VDAC1: variants seen among roughly 807,000 people sequenced by gnomAD.
VDAC1 encodes non-selective voltage-gated ion channel VDAC1.
In VDAC1, 10 loss-of-function variants were observed where a neutral mutation model predicts 34.7. The ratio of observed to expected loss-of-function variants is 0.29; its 90% CI spans 0.18 to 0.49. The LOEUF is 0.49. VDAC1 is among the 20% of genes least tolerant of loss of function. The pLI is 0.99. For synonymous variants in VDAC1, 130 were observed against 136.0 expected (o/e 0.96, Z 0.30); for missense variants, 230 against 347.9 (o/e 0.66, Z 2.69).
chr5:133,977,672 GATTGTTGTTTAT>G (rs1752530886), intron 6 of VDAC1, among the ~76,000 whole-genome samples: 1 of 152,208 alleles, frequency 6.6e-6, no homozygotes, highest in Non-Finnish European at 1.5e-5. Flanking sequence ...ACTGCTTTCA[GATTGTTGTTTAT>G]ACACACAGTG....
chr5:134,009,262 T>TTTC (rs1458652108), upstream of VDAC1, among the ~76,000 whole-genome samples: 1 of 139,792 alleles, frequency 7.2e-6, no homozygotes, highest in African/African-American at 2.7e-5. Context: ...TTTTTTTTTT[T>TTTC]TTTTTTTTTT....
At chr5:134,043,524 T>C in the VDAC1 span, among the ~76,000 whole-genome samples, 3 of 147,926 alleles carry the variant, frequency 2.0e-5, no homozygotes, top group Non-Finnish European at 4.5e-5. Context: ...GGGTAGACTT[T>C]TCTTTTTTCT....
intron 1 of VDAC1, among the ~76,000 whole-genome samples, chr5:134,002,915 G>A (rs189264393): frequency 4.0e-4 from 61 of 151,078 alleles, no homozygotes; most frequent in African/African-American, 1.3e-3. Flanking sequence ...GCCATGAGCC[G>A]TTATGGTGCC....
At chr5:134,039,363 C>T in the VDAC1 span, among the ~76,000 whole-genome samples, 2 of 152,198 alleles carry the variant, frequency 1.3e-5, no homozygotes, top group African/African-American at 2.4e-5. Context: ...GAGTCTCCCT[C>T]TGTCGCCCAG....
At chr5:134,018,936 G>A in the VDAC1 span, among the ~76,000 whole-genome samples, 1 of 152,046 alleles carries the variant, frequency 6.6e-6, no homozygotes, top group African/African-American at 2.4e-5. Context: ...ATCATCACCG[G>A]GAGGACTGCA....
chr5:134,019,586 A>G, the VDAC1 span, among the ~76,000 whole-genome samples: 99 of 152,222 alleles, frequency 6.5e-4, no homozygotes, highest in African/African-American at 2.2e-3. Flanking sequence ...GCTCAAACAA[A>G]CAAACAAACA....
chr5:134,028,344 G>A, the VDAC1 span, among the ~76,000 whole-genome samples: 1 of 151,678 alleles, frequency 6.6e-6, no homozygotes, highest in Admixed American at 6.6e-5. Flanking sequence ...TGTTGGCCAG[G>A]CTGGTCTCGA....
the VDAC1 span, among the ~76,000 whole-genome samples, chr5:134,074,355 A>C: frequency 2.1e-5 from 3 of 142,840 alleles, no homozygotes; most frequent in African/African-American, 7.9e-5. Context: ...TAAATAAATA[A>C]AAGCTTTGAA....
At chr5:134,067,081 CTTTT>C in the VDAC1 span, among the ~76,000 whole-genome samples, 2 of 136,742 alleles carry the variant, frequency 1.5e-5, no homozygotes, top group Admixed American at 7.4e-5. Flanking sequence ...ATCAAAAGTT[CTTTT>C]TTTTTTTTTT....
At chr5:134,005,960 A>C (rs1013961305), upstream of VDAC1, among the ~76,000 whole-genome samples, 1 of 152,216 alleles carries the variant, frequency 6.6e-6, no homozygotes, top group Non-Finnish European at 1.5e-5. Context: ...GCAGTGGGCA[A>C]CTGGGGCTAC....
chr5:134,048,589 T>C, the VDAC1 span, among the ~76,000 whole-genome samples: 6 of 152,292 alleles, frequency 3.9e-5, no homozygotes, highest in South Asian at 1.0e-3. Flanking sequence ...TTTAAATGTA[T>C]AGAAACTTCA....
chr5:134,038,892 GAACCCA>G, the VDAC1 span, among the ~76,000 whole-genome samples: 1 of 104,194 alleles, frequency 9.6e-6, no homozygotes, highest in Non-Finnish European at 1.8e-5. Context: ...GACACAAAAT[GAACCCA>G]TTTTGTGTCT....
chr5:134,057,019 GT>G, the VDAC1 span, among the ~76,000 whole-genome samples: 1 of 152,120 alleles, frequency 6.6e-6, no homozygotes, highest in Non-Finnish European at 1.5e-5. Flanking sequence ...GTTCTCAGAA[GT>G]TTACTGCTGA....
the VDAC1 span, among the ~76,000 whole-genome samples, chr5:134,031,182 C>T: frequency 6.6e-6 from 1 of 152,002 alleles, no homozygotes; most frequent in Non-Finnish European, 1.5e-5. Context: ...GAACTAAATC[C>T]AACATAGGAT....
At chr5:134,033,045 G>A in the VDAC1 span, among the ~76,000 whole-genome samples, 1 of 151,670 alleles carries the variant, frequency 6.6e-6, no homozygotes, top group African/African-American at 2.4e-5. Flanking sequence ...GGGAGGGGAC[G>A]GGAAGGGAGG....
At chr5:134,006,737 T>G (rs113487516), upstream of VDAC1, among the ~76,000 whole-genome samples, 345 of 40,982 alleles carry the variant, frequency 8.4e-3, 8 homozygotes, top group African/African-American at 0.029. Flanking sequence ...AGTGACATTG[T>G]CCCCCCCCCC....
At chr5:134,077,077 G>A in the VDAC1 span, among the ~76,000 whole-genome samples, 8 of 152,168 alleles carry the variant, frequency 5.3e-5, no homozygotes, top group East Asian at 5.8e-4. Flanking sequence ...CCAGGAGTTC[G>A]AGACCAGTCT....
the VDAC1 span, among the ~76,000 whole-genome samples, chr5:134,035,204 A>T: frequency 6.6e-6 from 1 of 152,262 alleles, no homozygotes; most frequent in Non-Finnish European, 1.5e-5. Flanking sequence ...GGAATTAAGG[A>T]TGTGCTAAAC....
chr5:134,006,316 C>A (rs997879896), upstream of VDAC1, among the ~76,000 whole-genome samples: 2 of 152,128 alleles, frequency 1.3e-5, no homozygotes, highest in Non-Finnish European at 2.9e-5. Context: ...TCAGGGAGGC[C>A]GGGCGGGACA....
Sources: allele counts gnomAD v4.1 joint callset (sites outside exome capture counted in the v4.1 genomes callset), GRCh38; gene constraint gnomAD v4.1.1; transcripts MANE v1.5; gene names NCBI Gene and HGNC (gene_info 2026-07-23, HGNC 2026-07-21).